Variants in DPYD observed in about 807,000 individuals in gnomAD.
DPYD encodes dihydropyrimidine dehydrogenase, also known as dihydropyrimidine dehydrogenase [NADP(+)].
Under a neutral mutation model 116.2 loss-of-function variants are expected in DPYD, and 109 were observed. That is an observed-to-expected ratio of 0.94 (90% CI 0.80 to 1.10). The LOEUF (loss-of-function observed/expected upper bound fraction) is 1.10. Ranked by LOEUF, DPYD falls within the 50% of genes least tolerant of loss-of-function variation. DPYD has a pLI of 0.00. For synonymous variants in DPYD, 440 were observed against 432.0 expected (o/e 1.02, Z -0.23); for missense variants, 1,302 against 1,254.5 (o/e 1.04, Z -0.57).
chr1:97,507,795 T>C (rs929030772), intron 13 of DPYD, among the ~76,000 whole-genome samples: 1 of 152,034 alleles, frequency 6.6e-6, no homozygotes, highest in Non-Finnish European at 1.5e-5. Context: ...ATTAAGATAA[T>C]GTGGATTGAA....
chr1:97,116,705 T>C (rs1355662032), intron 20 of DPYD, among the ~76,000 whole-genome samples: 3 of 151,804 alleles, frequency 2.0e-5, no homozygotes, highest in Non-Finnish European at 4.4e-5. Flanking sequence ...TACAAATATA[T>C]AAATATACAA....
intron 5 of DPYD, among the ~76,000 whole-genome samples, chr1:97,706,330 G>C (rs1661952075): frequency 6.6e-6 from 1 of 151,818 alleles, no homozygotes; most frequent in Non-Finnish European, 1.5e-5. Flanking sequence ...TAAGGTAGTT[G>C]GTGCATTAAG....
chr1:97,317,966 T>C (rs1667967331), intron 16 of DPYD, among the ~76,000 whole-genome samples: 2 of 151,916 alleles, frequency 1.3e-5, no homozygotes, highest in African/African-American at 2.4e-5. Flanking sequence ...CAGAATTTCA[T>C]ATCCAGCCAA....
chr1:97,121,997 T>C (rs1652477336), intron 20 of DPYD, among the ~76,000 whole-genome samples: 1 of 152,052 alleles, frequency 6.6e-6, no homozygotes, highest in South Asian at 2.1e-4. Context: ...TGTATTATCA[T>C]GGGAAATCAA....
At chr1:97,234,494 C>T (rs1419105715) in intron 19 of DPYD, among the ~76,000 whole-genome samples, 1 of 152,090 alleles carries the variant, frequency 6.6e-6, no homozygotes, top group Non-Finnish European at 1.5e-5. Flanking sequence ...TTTTCATACC[C>T]TTGATTTCAT....
chr1:97,744,673 T>C (rs954529403), intron 3 of DPYD, among the ~76,000 whole-genome samples: 9 of 152,074 alleles, frequency 5.9e-5, no homozygotes, highest in Non-Finnish European at 1.3e-4. Flanking sequence ...AGATATTTAA[T>C]GTTCTACATC....
chr1:97,480,121 A>G (rs1678216680), intron 13 of DPYD, among the ~76,000 whole-genome samples: 2 of 152,212 alleles, frequency 1.3e-5, no homozygotes, highest in Admixed American at 1.3e-4. Context: ...CTTTTTAAGA[A>G]AAATAATTTT....
At chr1:97,649,417 T>C (rs77619582) in intron 8 of DPYD, among the ~76,000 whole-genome samples, 15,863 of 152,034 alleles carry the variant, frequency 0.1, 957 homozygotes, top group Non-Finnish European at 0.12. Flanking sequence ...TATAAATGCG[T>C]TTTTAAATCT....
chr1:97,368,029 A>G (rs1182674516), intron 16 of DPYD, among the ~76,000 whole-genome samples: 1 of 152,154 alleles, frequency 6.6e-6, no homozygotes. Flanking sequence ...GTCATTTGAA[A>G]TAGAATTAGA....
chr1:97,762,436 T>C (rs1251093526), intron 3 of DPYD, among the ~76,000 whole-genome samples: 1 of 152,142 alleles, frequency 6.6e-6, no homozygotes, highest in East Asian at 1.9e-4. Flanking sequence ...GAGTAGCAGG[T>C]TATTGTCATA....
chr1:97,167,319 C>T (rs1656397985), intron 20 of DPYD, among the ~76,000 whole-genome samples: 1 of 152,102 alleles, frequency 6.6e-6, no homozygotes, highest in Non-Finnish European at 1.5e-5. Context: ...AAAATTAAAG[C>T]ACATATCACT....
chr1:97,104,524 T>G (rs1381342019), intron 20 of DPYD, among the ~76,000 whole-genome samples: 1 of 152,058 alleles, frequency 6.6e-6, no homozygotes, highest in Non-Finnish European at 1.5e-5. Context: ...CAAACTGTTA[T>G]ATGAGCAGTG....
chr1:97,227,458 C>T (rs1396121378), intron 19 of DPYD, among the ~76,000 whole-genome samples: 1 of 151,502 alleles, frequency 6.6e-6, no homozygotes, highest in African/African-American at 2.4e-5. Flanking sequence ...GAGGTGGACC[C>T]TATTTAGCTG....
At chr1:97,829,988 A>G (rs1489485868) in intron 2 of DPYD, among the ~76,000 whole-genome samples, 3 of 151,812 alleles carry the variant, frequency 2.0e-5, no homozygotes, top group African/African-American at 7.3e-5. Flanking sequence ...TATGAGTGAG[A>G]ACATGCTGTG....
chr1:97,484,302 T>TCAAAAACAAAAA, intron 13 of DPYD, among the ~76,000 whole-genome samples: 1 of 152,280 alleles, frequency 6.6e-6, no homozygotes, highest in East Asian at 1.9e-4. Flanking sequence ...AGACTCCATC[T>TCAAAAACAAAAA]CAAAAACAAA....
At chr1:97,197,328 C>T (rs567257484) in intron 19 of DPYD, among the ~76,000 whole-genome samples, 12 of 152,098 alleles carry the variant, frequency 7.9e-5, no homozygotes, top group African/African-American at 1.4e-4. Flanking sequence ...TTACTTAATC[C>T]TCTTTGCTCA....
intron 8 of DPYD, among the ~76,000 whole-genome samples, chr1:97,600,607 C>T (rs1655189231): frequency 6.6e-6 from 1 of 152,084 alleles, no homozygotes; most frequent in Admixed American, 6.6e-5. Context: ...ATGACCTTGG[C>T]CAAATAAATT....
chr1:97,087,581 A>G (rs1008131427), intron 21 of DPYD, among the ~76,000 whole-genome samples: 2 of 152,154 alleles, frequency 1.3e-5, no homozygotes, highest in Non-Finnish European at 1.5e-5. Flanking sequence ...TTAGTGAGAG[A>G]GTCAGATGAG....
chr1:97,618,546 T>A (rs944813059), intron 8 of DPYD, among the ~76,000 whole-genome samples: 3 of 152,076 alleles, frequency 2.0e-5, no homozygotes, highest in African/African-American at 7.2e-5. Context: ...CGGTTAATTT[T>A]TTTGTATACT....
Sources: allele counts gnomAD v4.1 joint callset (sites outside exome capture counted in the v4.1 genomes callset), GRCh38; gene constraint gnomAD v4.1.1; transcripts MANE v1.5; gene names NCBI Gene and HGNC (gene_info 2026-07-23, HGNC 2026-07-21).